The following VCL variants were observed in gnomAD, a reference collection of about 807,000 sequenced individuals.
The protein encoded by VCL is epididymis luminal protein 114.
In VCL, 47 loss-of-function variants were observed where a neutral mutation model predicts 125.7. That is an observed-to-expected ratio of 0.37 (90% confidence interval 0.30 to 0.48). The LOEUF (loss-of-function observed/expected upper bound fraction) is 0.48, where lower values mean the gene tolerates loss of function less well. Among genes scored for constraint, VCL ranks in the 20% least tolerant of loss-of-function variants. The probability of loss-of-function intolerance (pLI) is 0.99; values close to 1 mark genes in which losing one functional copy is unlikely to be tolerated. For synonymous variants in VCL, 458 were observed against 514.6 expected (o/e 0.89, Z 1.49); for missense variants, 1,069 against 1,455.5 (o/e 0.73, Z 4.32).
chr10:74,043,305 A>C (rs1275549580), intron 2 of VCL, 152 bp downstream of exon 2: 3 of 744,184 alleles, frequency 4.0e-6, no homozygotes, highest in Non-Finnish European at 6.7e-6. Flanking sequence ...TTTTTTAAAA[A>C]AACTGTTCAT....
chr10:74,092,138 G>T (rs1193746228), intron 10 of VCL, among the ~76,000 whole-genome samples: 1 of 151,974 alleles, frequency 6.6e-6, no homozygotes, highest in African/African-American at 2.4e-5. Context: ...TTGATCTCTT[G>T]ACCTCGTGAT....
At chr10:74,042,517 A>T (rs1185185184) in intron 1 of VCL, among the ~76,000 whole-genome samples, 1 of 152,188 alleles carries the variant, frequency 6.6e-6, no homozygotes, top group Non-Finnish European at 1.5e-5. Context: ...CCATTGTTGC[A>T]TTCAGCATTA....
chr10:74,074,436 G>C (rs564103455), intron 5 of VCL, among the ~76,000 whole-genome samples: 2 of 152,316 alleles, frequency 1.3e-5, no homozygotes, highest in African/African-American at 4.8e-5. Flanking sequence ...GGGCCAGGAT[G>C]ATAACTGATT....
intron 2 of VCL, among the ~76,000 whole-genome samples, chr10:74,043,982 G>C (rs922398884): frequency 6.6e-6 from 1 of 151,890 alleles, no homozygotes; most frequent in Non-Finnish European, 1.5e-5. Flanking sequence ...GTGGTGGCGG[G>C]TGCCTGTAGT....
rs773331333 is a variant in VCL at position 74,105,187 on chromosome 10, T to G, written c.2268T>G (p.Ile756Met). The change falls in exon 16 of 22, where the codon ATT becomes ATG. Residue 756 changes from isoleucine to methionine, a missense_variant. Ile to Met is a conservative substitution (Grantham distance 10). Coordinates refer to ENST00000211998, the MANE Select transcript of VCL (RefSeq NM_014000.3). ...TGCTGGTTGCTGGGGCAACCAGTATTGCTCGTCGGGCCAACCGGATCCTGC... is the reference window on the plus strand; with the variant it reads ...TGCTGGTTGCTGGGGCAACCAGTATGGCTCGTCGGGCCAACCGGATCCTGC... ...PQMLVAGATS[I>M]ARRANRILLV... 2 of 1,614,168 alleles carry G rather than the reference T, an allele frequency of 1.2e-6. No individual in the cohort carries two copies. Among genetic ancestry groups the G allele is most frequent in the South Asian group, 1.1e-5 (1 of 91,074 alleles).
chr10:74,046,403 C>A (rs1841197247), intron 2 of VCL, among the ~76,000 whole-genome samples: 1 of 152,060 alleles, frequency 6.6e-6, no homozygotes, highest in Non-Finnish European at 1.5e-5. Context: ...TGCCACTATG[C>A]CCGGACAATT....
At chr10:74,060,833 C>T (rs1288810425) in intron 2 of VCL, among the ~76,000 whole-genome samples, 2 of 151,906 alleles carry the variant, frequency 1.3e-5, no homozygotes, top group Non-Finnish European at 2.9e-5. Flanking sequence ...AATAATTACT[C>T]ATACTCAAGG....
At chr10:74,083,013 A>G (rs1484154469) in intron 7 of VCL, among the ~76,000 whole-genome samples, 1 of 149,300 alleles carries the variant, frequency 6.7e-6, no homozygotes, top group East Asian at 2.0e-4. Context: ...TCTAATATTT[A>G]TTCTGTTTTA....
At chr10:74,116,938 C>T (rs772049763) in intron 21 of VCL, among the ~76,000 whole-genome samples, 9 of 152,070 alleles carry the variant, frequency 5.9e-5, no homozygotes, top group Admixed American at 1.3e-4. Context: ...GAGAATTCAC[C>T]GCCTTCATTA....
At chr10:74,084,151 C>T (rs1263479114) in intron 8 of VCL, among the ~76,000 whole-genome samples, 1 of 152,136 alleles carries the variant, frequency 6.6e-6, no homozygotes. Context: ...AGGAGTGAGC[C>T]ACTGTGCCCG....
At chr10:74,022,023 G>GC (rs1840678103) in intron 1 of VCL, among the ~76,000 whole-genome samples, 1 of 151,994 alleles carries the variant, frequency 6.6e-6, no homozygotes, top group African/African-American at 2.4e-5. Context: ...AGAAACCTAT[G>GC]CCTTGTCCCC....
At chr10:74,102,304 T>C (rs1344333193) in intron 14 of VCL, among the ~76,000 whole-genome samples, 2 of 151,860 alleles carry the variant, frequency 1.3e-5, no homozygotes, top group African/African-American at 2.4e-5. Context: ...TAACAAGGCA[T>C]GGCTAGTAAG....
chr10:74,083,464 T>C lies in VCL; in HGVS notation c.973T>C (p.Cys325Arg). 6.2e-7 allele frequency: 1 copy of C among 1,614,078 alleles called. No homozygotes were observed. Among genetic ancestry groups the C allele is most frequent in the Non-Finnish European group, 8.5e-7 (1 of 1,179,962 alleles). The change falls in exon 8 of 22, where the codon TGC becomes CGC. Residue 325 changes from cysteine to arginine, a missense_variant. Physicochemically the swap from Cys to Arg is radical, Grantham distance 180. Around this residue, in one of 6 missense-constraint regions of VCL, gnomAD observed 760 missense variants for 928.9 expected, o/e 0.82. Transcript: ENST00000211998. ...AGAACGCAGGGAGATTCTGGGAACT[T>C]GCAAAATGCTAGGGCAGATGACTGA... Reference protein sequence around the residue: ...GKERREILGTCKMLGQMTDQV... With the variant: ...GKERREILGTRKMLGQMTDQV...
Position 74,005,837 on chromosome 10 carries a change from G to GT in VCL, c.168+7469dup, listed in dbSNP as rs754198503. Among the ~76,000 whole-genome samples the GT allele has an allele frequency of 4.2e-4, 64 of 151,576 alleles. 1 individual carries two copies. The highest frequency in any genetic ancestry group is 5.7e-4 in the Non-Finnish European group (39 of 67,838). ...TGTAAATGTTATAAATAGTTATACT[G>GT]TTTTTTTAATTTTTATTTTTATTGT... is the stretch of plus-strand genomic sequence containing the variant. On this transcript the variant is annotated intron_variant, in intron 1 of 21. Coordinates refer to ENST00000211998, the MANE Select transcript of VCL (RefSeq NM_014000.3).
chr10:74,018,777 C>CT (rs1444041544), intron 1 of VCL, among the ~76,000 whole-genome samples: 1 of 152,142 alleles, frequency 6.6e-6, no homozygotes, highest in African/African-American at 2.4e-5. Context: ...AAAAGTCTCC[C>CT]TTTCCCCCTT....
At position 74,107,334 on chromosome 10, in the gene VCL, C is replaced by G; in HGVS notation, c.2539C>G (p.Pro847Ala). 2.5e-6 allele frequency: 4 copies of G among 1,614,196 alleles called. No individual in the cohort carries two copies. The highest frequency in any genetic ancestry group is 3.4e-6 in the Non-Finnish European group (4 of 1,180,044). The change falls in exon 17 of 22, where the codon CCA (proline) becomes GCA (alanine). Residue 847 changes from proline to alanine, a missense_variant. Transcript: ENST00000211998. ...GGAGCCTGACTTCCCGCCGCCTCCA[C>G]CAGACCTTGAACAACTCCGAGTAAG... ...PQEPDFPPPP[P>A]DLEQLRLTDE...
intron 1 of VCL, among the ~76,000 whole-genome samples, chr10:74,032,064 CAAAAAAAAAA>C (rs35715975): frequency 1.9e-4 from 4 of 21,030 alleles, no homozygotes; most frequent in African/African-American, 4.6e-4. Context: ...AACTCCATCT[CAAAAAAAAAA>C]AAAAAAAAAA....
intron 2 of VCL, among the ~76,000 whole-genome samples, chr10:74,048,184 C>T (rs1360360821): frequency 6.6e-6 from 1 of 152,080 alleles, no homozygotes; most frequent in African/African-American, 2.4e-5. Context: ...ATCATTTGTT[C>T]CTGGCTGGGT....
At chr10:74,041,010 C>A (rs1214203793) in intron 1 of VCL, among the ~76,000 whole-genome samples, 1 of 152,110 alleles carries the variant, frequency 6.6e-6, no homozygotes, top group Non-Finnish European at 1.5e-5. Context: ...GTGTGAGCCA[C>A]CACACCCGAC....
Sources: allele counts gnomAD v4.1 joint callset (sites outside exome capture counted in the v4.1 genomes callset), GRCh38; gene constraint gnomAD v4.1.1; regional missense constraint gnomAD v4.1.1; transcripts MANE v1.5; gene names NCBI Gene and HGNC (gene_info 2026-07-23, HGNC 2026-07-21).